RBFOX1: variants seen among roughly 807,000 people sequenced by gnomAD.
The protein encoded by RBFOX1 is RNA binding fox-1 homolog 1, also known as RNA binding protein fox-1 homolog 1.
A neutral mutation model predicts 57.7 loss-of-function variants in RBFOX1; 8 were observed. The ratio of observed to expected loss-of-function variants is 0.14; its 90% CI spans 0.08 to 0.25. RBFOX1 has a LOEUF of 0.25. RBFOX1 is among the 10% of genes least tolerant of loss of function. The pLI, the probability that RBFOX1 is intolerant of heterozygous loss-of-function variation, is 1.00. For missense variants in RBFOX1, 611 were observed against 548.5 expected, an observed-to-expected ratio of 1.11 and a Z score of -1.14; for synonymous variants, 326 against 222.4, an observed-to-expected ratio of 1.47 and a Z score of -4.15.
intron 3 of RBFOX1, among the ~76,000 whole-genome samples, chr16:6,943,492 A>G (rs1004343611): frequency 6.6e-6 from 1 of 152,074 alleles, no homozygotes; most frequent in Admixed American, 6.6e-5. Context: ...GCGGATCACA[A>G]GGTCAGGAGA....
chr16:6,164,698 G>A (rs1323931964), intron 1 of RBFOX1, among the ~76,000 whole-genome samples: 1 of 151,784 alleles, frequency 6.6e-6, no homozygotes, highest in East Asian at 1.9e-4. Context: ...GGCTGGTCTC[G>A]AATTTCTGAC....
intron 2 of RBFOX1, among the ~76,000 whole-genome samples, chr16:6,397,089 G>C (rs1039229333): frequency 2.6e-5 from 4 of 151,602 alleles, no homozygotes; most frequent in Non-Finnish European, 4.4e-5. Flanking sequence ...ACAGCTATAG[G>C]TACTTGGAGT....
At chr16:7,446,018 C>T (rs1292069654) in intron 4 of RBFOX1, among the ~76,000 whole-genome samples, 1 of 152,136 alleles carries the variant, frequency 6.6e-6, no homozygotes, top group African/African-American at 2.4e-5. Flanking sequence ...GCCTGCCCAA[C>T]AATTTGTAGC....
At chr16:6,863,919 T>C (rs2059457343) in intron 3 of RBFOX1, among the ~76,000 whole-genome samples, 1 of 151,732 alleles carries the variant, frequency 6.6e-6, no homozygotes, top group Admixed American at 6.6e-5. Flanking sequence ...ATTTGTTTCC[T>C]TCACACTTTG....
chr16:7,149,506 C>T (rs761438512), intron 4 of RBFOX1, among the ~76,000 whole-genome samples: 34 of 134,288 alleles, frequency 2.5e-4, no homozygotes, highest in Non-Finnish European at 4.4e-4. Context: ...TTTTTTTCCC[C>T]GACAGGGTCT....
intron 2 of RBFOX1, among the ~76,000 whole-genome samples, chr16:6,391,852 C>CAT (rs1232706960): frequency 6.6e-6 from 1 of 152,148 alleles, no homozygotes; most frequent in East Asian, 1.9e-4. Flanking sequence ...GGAAAACAAA[C>CAT]ATATATATTG....
intron 3 of RBFOX1, among the ~76,000 whole-genome samples, chr16:6,758,415 C>T (rs976514486): frequency 7.2e-5 from 11 of 152,068 alleles, no homozygotes; most frequent in Non-Finnish European, 1.0e-4. Context: ...GTCATAGCAA[C>T]GGGTGCTAGA....
chr16:5,591,142 C>T (rs1186043313), intron 2 of RBFOX1, among the ~76,000 whole-genome samples: 4 of 151,612 alleles, frequency 2.6e-5, no homozygotes, highest in African/African-American at 7.3e-5. Flanking sequence ...TATCGGGTAG[C>T]ATAAAAAATA....
At chr16:6,159,866 C>T (rs998453938) in intron 1 of RBFOX1, among the ~76,000 whole-genome samples, 2 of 147,432 alleles carry the variant, frequency 1.4e-5, no homozygotes, top group Non-Finnish European at 3.0e-5. Context: ...GGAGGATATT[C>T]GGTATTAAAT....
At chr16:7,122,737 T>C (rs1482954319) in intron 4 of RBFOX1, among the ~76,000 whole-genome samples, 1 of 152,090 alleles carries the variant, frequency 6.6e-6, no homozygotes, top group African/African-American at 2.4e-5. Flanking sequence ...CCAAAGATAT[T>C]GTATATTTAT....
chr16:7,047,589 G>C (rs1459131172), intron 3 of RBFOX1, among the ~76,000 whole-genome samples: 1 of 147,118 alleles, frequency 6.8e-6, no homozygotes, highest in African/African-American at 2.4e-5. Context: ...TTTGTCAAAT[G>C]TAGGAAGTTT....
intron 4 of RBFOX1, among the ~76,000 whole-genome samples, chr16:7,472,033 T>C (rs1332868719): frequency 2.0e-5 from 3 of 152,202 alleles, no homozygotes; most frequent in African/African-American, 7.2e-5. Flanking sequence ...CACACTTTAG[T>C]ATATATTTGA....
chr16:7,102,519 C>T (rs1416898821), intron 4 of RBFOX1, among the ~76,000 whole-genome samples: 1 of 152,140 alleles, frequency 6.6e-6, no homozygotes, highest in Non-Finnish European at 1.5e-5. Flanking sequence ...TACTGATGTG[C>T]TTACTGCTTC....
chr16:5,421,041 T>A (rs956269771), intron 1 of RBFOX1, among the ~76,000 whole-genome samples: 21 of 147,232 alleles, frequency 1.4e-4, no homozygotes, highest in African/African-American at 5.3e-4. Flanking sequence ...GGAACTTGCT[T>A]TGTCACCTAG....
At chr16:5,679,773 G>A (rs1010304873) in intron 3 of RBFOX1, among the ~76,000 whole-genome samples, 5 of 152,174 alleles carry the variant, frequency 3.3e-5, no homozygotes, top group African/African-American at 7.2e-5. Context: ...TCTACCACAC[G>A]TTTTCTGGGT....
chr16:6,883,768 C>G (rs923869692), intron 3 of RBFOX1, among the ~76,000 whole-genome samples: 22 of 151,978 alleles, frequency 1.4e-4, no homozygotes, highest in Admixed American at 5.2e-4. Context: ...ATGTTGTGAG[C>G]TGAAAATACA....
chr16:7,222,119 G>A (rs61251722), intron 4 of RBFOX1, among the ~76,000 whole-genome samples: 1 of 152,164 alleles, frequency 6.6e-6, no homozygotes, highest in Admixed American at 6.6e-5. Flanking sequence ...CAGTGGTGAG[G>A]ATTTCAGCTA....
At chr16:5,604,270 C>T (rs552861421), downstream of RBFOX1, among the ~76,000 whole-genome samples, 10 of 152,338 alleles carry the variant, frequency 6.6e-5, no homozygotes, top group African/African-American at 2.2e-4. Flanking sequence ...CTTATTGCTT[C>T]GATTGGTCAT....
chr16:7,471,097 C>G lies in RBFOX1; in HGVS notation c.28-47050C>G, dbSNP rs553356268. Reference sequence around the variant, plus strand: ...AAAATGTTCTTCCCAACCAGTCTCTCTATAAAGATAACCACAGTAACTACG... The same window carrying G: ...AAAATGTTCTTCCCAACCAGTCTCTGTATAAAGATAACCACAGTAACTACG... On this transcript the variant is annotated intron_variant, in intron 4 of 15. Coordinates refer to ENST00000550418, the MANE Select transcript of RBFOX1 (RefSeq NM_018723.4). 2.6e-5 allele frequency among the ~76,000 whole-genome samples: 4 copies of G among 152,108 alleles called. No homozygotes were observed. The South Asian group carries it at 6.3e-4, about 24-fold the overall frequency.
Sources: gnomAD v4.1 joint callset for allele counts (sites outside exome capture counted in the v4.1 genomes callset) on GRCh38, gnomAD v4.1.1 for gene constraint, MANE v1.5 for transcripts, NCBI Gene and HGNC (gene_info 2026-07-23, HGNC 2026-07-21) for gene names.